Variants in VEPH1 observed in about 807,000 individuals in gnomAD.
The protein encoded by VEPH1 is ventricular zone expressed PH domain containing 1, also known as ventricular zone-expressed PH domain-containing protein homolog 1.
Under a neutral mutation model 85.2 loss-of-function variants are expected in VEPH1, and 80 were observed. The ratio of observed to expected loss-of-function variants is 0.94; its 90% CI spans 0.78 to 1.13. The LOEUF (loss-of-function observed/expected upper bound fraction) is 1.13, where lower values mean the gene tolerates loss of function less well. Ranked by LOEUF, VEPH1 falls within the 50% of genes most tolerant of loss-of-function variation. The pLI is 0.00. For missense variants in VEPH1, 955 were observed against 980.5 expected (o/e 0.97, Z 0.35); for synonymous variants, 297 against 348.0 (o/e 0.85, Z 1.63).
At chr3:157,300,263 T>C (rs1718637015) in intron 11 of VEPH1, among the ~76,000 whole-genome samples, 1 of 152,180 alleles carries the variant, frequency 6.6e-6, no homozygotes, top group South Asian at 2.1e-4. Context: ...AGAACAGACA[T>C]TGCAGAGGGA....
intron 5 of VEPH1, among the ~76,000 whole-genome samples, chr3:157,420,328 C>A (rs923025871): frequency 6.6e-6 from 1 of 151,486 alleles, no homozygotes; most frequent in Non-Finnish European, 1.5e-5. Flanking sequence ...TACCCCAGAA[C>A]TTAAAAGTTG....
chr3:157,413,347 A>G, intron 6 of VEPH1: 1 of 488,496 alleles, frequency 2.0e-6, no homozygotes, highest in Non-Finnish European at 2.7e-6. Context: ...ACTCTCCCAA[A>G]TAACATTCAG....
At chr3:157,291,106 T>A (rs1274707504) in intron 11 of VEPH1, among the ~76,000 whole-genome samples, 3 of 152,212 alleles carry the variant, frequency 2.0e-5, no homozygotes, top group Non-Finnish European at 4.4e-5. Context: ...TGTGCACAGA[T>A]ACAAAACATA....
chr3:157,418,247 G>T (rs762356095), intron 5 of VEPH1, among the ~76,000 whole-genome samples: 1 of 152,082 alleles, frequency 6.6e-6, no homozygotes, highest in Non-Finnish European at 1.5e-5. Flanking sequence ...CCCAGGGTAG[G>T]GCAGCAACCC....
chr3:157,341,335 T>C (rs1399460043), intron 9 of VEPH1, among the ~76,000 whole-genome samples: 1 of 152,146 alleles, frequency 6.6e-6, no homozygotes, highest in African/African-American at 2.4e-5. Context: ...CTTAAATGAC[T>C]TGATGGAGCT....
At chr3:157,360,571 A>G (rs1041462050) in intron 9 of VEPH1, among the ~76,000 whole-genome samples, 1 of 152,128 alleles carries the variant, frequency 6.6e-6, no homozygotes, top group African/African-American at 2.4e-5. Flanking sequence ...ACCCCATTGT[A>G]AGTTGAAAAT....
intron 2 of VEPH1, among the ~76,000 whole-genome samples, chr3:157,486,146 T>G (rs1738619419): frequency 6.6e-6 from 1 of 152,150 alleles, no homozygotes; most frequent in African/African-American, 2.4e-5. Flanking sequence ...ATATAGATAT[T>G]AAGACATCCA....
chr3:157,358,519 A>T (rs948476695), intron 9 of VEPH1, among the ~76,000 whole-genome samples: 5 of 152,190 alleles, frequency 3.3e-5, no homozygotes, highest in Non-Finnish European at 7.3e-5. Flanking sequence ...TTAAAAAATA[A>T]AAAAGAAACC....
intron 1 of VEPH1, 62 bp from the exon 2 acceptor site, chr3:157,495,568 A>T (rs1163381619): frequency 6.3e-5 from 70 of 1,117,042 alleles, no homozygotes; most frequent in Non-Finnish European, 8.0e-5. Context: ...TCAGAATGTG[A>T]ACTCAGTGTC....
chr3:157,390,180 T>A (rs1454670681), intron 6 of VEPH1, among the ~76,000 whole-genome samples: 1 of 152,228 alleles, frequency 6.6e-6, no homozygotes, highest in Non-Finnish European at 1.5e-5. Flanking sequence ...GCTGAAATAC[T>A]TTTACTTTCT....
intron 6 of VEPH1, among the ~76,000 whole-genome samples, chr3:157,403,930 C>A (rs1399337884): frequency 6.6e-6 from 1 of 152,140 alleles, no homozygotes; most frequent in Non-Finnish European, 1.5e-5. Flanking sequence ...TGCATACACA[C>A]CACCTGGGCA....
At chr3:157,409,995 G>GA in intron 6 of VEPH1, 3 of 923,768 alleles carry the variant, frequency 3.2e-6, no homozygotes, top group Non-Finnish European at 3.9e-6. Flanking sequence ...GCTCTGATCA[G>GA]TCAGAGATTG....
At chr3:157,428,191 T>C in intron 5 of VEPH1, 131 bp downstream of exon 5, 1 of 900,980 alleles carries the variant, frequency 1.1e-6, no homozygotes, top group South Asian at 2.4e-5. Context: ...AGTAAGTAGA[T>C]GAGCGCTTTC....
At chr3:157,440,189 A>G (rs188516409) in intron 4 of VEPH1, among the ~76,000 whole-genome samples, 2 of 152,334 alleles carry the variant, frequency 1.3e-5, no homozygotes, top group Admixed American at 1.3e-4. Context: ...CTGCCTCATT[A>G]AAAATTAATT....
intron 4 of VEPH1, chr3:157,437,428 C>A: frequency 1.3e-6 from 2 of 1,502,824 alleles, no homozygotes; most frequent in Non-Finnish European, 1.8e-6. Flanking sequence ...TGCAACTTGG[C>A]ACCACCGAGG....
chr3:157,301,388 G>A (rs1006364931), intron 11 of VEPH1, among the ~76,000 whole-genome samples: 1 of 151,812 alleles, frequency 6.6e-6, no homozygotes, highest in Non-Finnish European at 1.5e-5. Flanking sequence ...TTTTTCCTGG[G>A]CCTGTTTCAT....
chr3:157,299,231 T>A (rs1241628929), intron 11 of VEPH1, among the ~76,000 whole-genome samples: 1 of 152,000 alleles, frequency 6.6e-6, no homozygotes. Context: ...CAGATAAATG[T>A]TGGGCTATTT....
At chr3:157,453,090 G>T (rs557432633) in intron 4 of VEPH1, among the ~76,000 whole-genome samples, 1 of 152,342 alleles carries the variant, frequency 6.6e-6, no homozygotes, top group South Asian at 2.1e-4. Context: ...GAGGCTGGAT[G>T]TGAACTTTCT....
At chr3:157,465,610 A>G (rs1008299239) in intron 3 of VEPH1, among the ~76,000 whole-genome samples, 1 of 152,222 alleles carries the variant, frequency 6.6e-6, no homozygotes, top group Non-Finnish European at 1.5e-5. Context: ...AACCAGTCCC[A>G]TCTCTAAGAG....
Sources: allele counts gnomAD v4.1 joint callset (sites outside exome capture counted in the v4.1 genomes callset), GRCh38; gene constraint gnomAD v4.1.1; transcripts MANE v1.5; gene names NCBI Gene and HGNC (gene_info 2026-07-23, HGNC 2026-07-21).